Variants in IPPK observed in about 807,000 individuals in gnomAD.
IPPK encodes the protein IPK1 homolog.
Under a neutral mutation model 64.6 loss-of-function variants are expected in IPPK, and 22 were observed. The ratio of observed to expected loss-of-function variants is 0.34; its 90% CI spans 0.24 to 0.49. The LOEUF is 0.49. Among genes scored for constraint, IPPK ranks in the 20% least tolerant of loss-of-function variants. IPPK has a pLI of 0.99. For missense variants in IPPK, 532 were observed against 630.7 expected, an observed-to-expected ratio of 0.84 and a Z score of 1.68; for synonymous variants, 262 against 247.2, an observed-to-expected ratio of 1.06 and a Z score of -0.56.
intron 4 of IPPK, among the ~76,000 whole-genome samples, chr9:92,651,872 C>T (rs1052717712): frequency 6.6e-5 from 10 of 152,052 alleles, no homozygotes; most frequent in African/African-American, 2.4e-4. Context: ...CCCGCCACTA[C>T]GCCCAGCTAA....
rs1183733210 is a variant in IPPK, at chr9:92,634,569, C to T, written c.1068-81G>A. On this transcript the variant is annotated intron_variant, in intron 10 of 12. Coordinates refer to ENST00000287996, the MANE Select transcript of IPPK (RefSeq NM_022755.6). Reference sequence around the variant, plus strand: ...TTAAACTGCTAACAGTCTACAAAGCCCAGCACCACTAAACATCACACATTT... The same window carrying T: ...TTAAACTGCTAACAGTCTACAAAGCTCAGCACCACTAAACATCACACATTT... 25 of 923,326 alleles carry T rather than the reference C, an allele frequency of 2.7e-5. No individual in the cohort carries two copies. The Admixed American group carries it at 3.9e-4, about 15-fold the overall frequency. The allele number at this position is 923,326 out of a possible 1,614,324, so 57.2% of individuals were successfully genotyped here.
At chr9:92,619,970 C>T (rs184592634) in intron 11 of IPPK, 15 of 215,576 alleles carry the variant, frequency 7.0e-5, no homozygotes, top group East Asian at 1.9e-4. Context: ...GCAAGGAGAG[C>T]GCAGGGGGTG....
At chr9:92,654,587 C>T (rs1455882636) in intron 3 of IPPK, among the ~76,000 whole-genome samples, 1 of 152,204 alleles carries the variant, frequency 6.6e-6, no homozygotes, top group Admixed American at 6.5e-5. Flanking sequence ...GTGTGGACCA[C>T]GCCACCATCC....
intron 1 of IPPK, 88 bp from the exon 2 acceptor site, chr9:92,658,769 G>A: frequency 8.4e-7 from 1 of 1,193,608 alleles, no homozygotes; most frequent in Non-Finnish European, 1.2e-6. Flanking sequence ...ATCCTCAGTG[G>A]ACAAAGTCCA....
At chr9:92,659,237 G>A (rs1008916102) in intron 1 of IPPK, among the ~76,000 whole-genome samples, 3 of 152,192 alleles carry the variant, frequency 2.0e-5, no homozygotes, top group African/African-American at 7.2e-5. Flanking sequence ...CCTTGGGCAT[G>A]CATGAATAGT....
At chr9:92,662,931 C>T (rs1309421338) in intron 1 of IPPK, among the ~76,000 whole-genome samples, 1 of 152,186 alleles carries the variant, frequency 6.6e-6, no homozygotes, top group Non-Finnish European at 1.5e-5. Flanking sequence ...GCCTAATTCA[C>T]CCAAGAACCC....
At position 92,615,533 on chromosome 9, in the gene IPPK, G is replaced by C. The variant is rs1851403847; in HGVS notation, c.*299C>G. On this transcript the variant is annotated 3_prime_UTR_variant, in exon 13 of 13. Coordinates refer to ENST00000287996, the MANE Select transcript of IPPK (RefSeq NM_022755.6). ...TAAGGCTTTTCGCATTAGAGAATCA[G>C]ACATGAGCCCTGGTTGGGAAAGAAG... is the stretch of plus-strand genomic sequence containing the variant. 3.0e-6 allele frequency: 1 copy of C among 338,604 alleles called. No homozygotes were observed. Among genetic ancestry groups the C allele is most frequent in the African/African-American group, 2.1e-5 (1 of 46,820 alleles). 21.0% of individuals were successfully genotyped at this position (338,604 alleles called of 1,614,324 possible). A position where few individuals can be genotyped will look rare whatever the true frequency, so the allele number is the denominator to read the frequency against.
intron 1 of IPPK, among the ~76,000 whole-genome samples, chr9:92,666,882 G>A (rs908879244): frequency 6.6e-6 from 1 of 151,612 alleles, no homozygotes; most frequent in African/African-American, 2.4e-5. Context: ...TCCATCCCCA[G>A]GCCTCATTTC....
intron 1 of IPPK, among the ~76,000 whole-genome samples, chr9:92,666,720 C>T (rs1852605482): frequency 6.6e-6 from 1 of 152,208 alleles, no homozygotes; most frequent in Admixed American, 6.5e-5. Context: ...TGAGAATCAT[C>T]CTGGGCCGTC....
intron 1 of IPPK, among the ~76,000 whole-genome samples, chr9:92,669,063 G>A (rs1852666715): frequency 6.6e-6 from 1 of 151,698 alleles, no homozygotes; most frequent in Non-Finnish European, 1.5e-5. Flanking sequence ...CCCACAAAGT[G>A]AATTCTACTA....
rs750370708 is a variant in IPPK at position 92,635,466 on chromosome 9, G to A, written c.917-158C>T. 6.9e-6 allele frequency: 5 copies of A among 723,574 alleles called. No individual in the cohort carries two copies. Among genetic ancestry groups the A allele is most frequent in the East Asian group, 2.8e-5 (1 of 35,256 alleles). The allele number at this position is 723,574 out of a possible 1,614,324, so 44.8% of individuals were successfully genotyped here. ...CCCTGGACTGGCACTAAGGACAGACGAGATGACGCTCCCGCCTCACAGAGC... is the reference window on the plus strand; with the variant it reads ...CCCTGGACTGGCACTAAGGACAGACAAGATGACGCTCCCGCCTCACAGAGC... On this transcript the variant is annotated intron_variant, in intron 9 of 12. Coordinates refer to ENST00000287996, the MANE Select transcript of IPPK (RefSeq NM_022755.6). The surrounding 1 kb of genome is among the most constrained non-coding windows in gnomAD (Gnocchi z 4.4).
chr9:92,670,000 G>T lies in IPPK; in HGVS notation c.-12C>A. The stretch of plus-strand genomic sequence containing the variant: ...TTCCCCTCTTCCATGCCCAGGCGCA[G>T]CCCTGGCGCCTCGCGGGCTAGGACT... On this transcript the variant is annotated 5_prime_UTR_variant, in exon 1 of 13. The change creates a new upstream start codon in the 5' untranslated region. Transcript: ENST00000287996. 2 of 1,602,782 alleles carry T rather than the reference G, an allele frequency of 1.2e-6. No homozygotes were observed. The highest frequency in any genetic ancestry group is 1.7e-6 in the Non-Finnish European group (2 of 1,173,704).
At chr9:92,631,295 A>T (rs1232621736) in intron 11 of IPPK, among the ~76,000 whole-genome samples, 1 of 150,430 alleles carries the variant, frequency 6.6e-6, no homozygotes, top group African/African-American at 2.5e-5. Context: ...TCCCGGGTTC[A>T]AGCGATTCTC....
Position 92,613,231 on chromosome 9 carries a change from C to T in IPPK, c.*2601G>A. The T allele has an allele frequency of 6.4e-7, 1 of 1,567,048 alleles. No homozygotes were observed. Among genetic ancestry groups the T allele is most frequent in the Non-Finnish European group, 8.8e-7 (1 of 1,140,876 alleles). On this transcript the variant is annotated 3_prime_UTR_variant, in exon 13 of 13. Transcript: ENST00000287996. Reference sequence around the variant, plus strand: ...ATTCAATATAAACATTTGCTATTTTCTGCTTAGAAACCACACCCTGAAGAC... The same window carrying T: ...ATTCAATATAAACATTTGCTATTTTTTGCTTAGAAACCACACCCTGAAGAC...
chr9:92,655,768 CAG>C (rs1288941271), intron 3 of IPPK, among the ~76,000 whole-genome samples: 5 of 152,204 alleles, frequency 3.3e-5, no homozygotes, highest in Non-Finnish European at 7.3e-5. Flanking sequence ...ATCTTCCTAA[CAG>C]GGGAACTGTG....
chr9:92,618,866 C>A, intron 12 of IPPK: 1 of 343,538 alleles, frequency 2.9e-6, no homozygotes, highest in Non-Finnish European at 5.7e-6. Context: ...TGGAACATTC[C>A]GCAAATACTG....
In IPPK at chr9:92,638,000, C is replaced by T; in HGVS notation, c.916+1G>A. On this transcript the variant is annotated splice_donor_variant, in intron 9 of 12. Coordinates refer to ENST00000287996, the MANE Select transcript of IPPK (RefSeq NM_022755.6). LOFTEE classifies it high-confidence loss of function. The stretch of plus-strand genomic sequence containing the variant: ...CCTACCTGGGGAAGGCTGGGCCCTA[C>T]CTTGGCAGCGAAGGCTCCTACTGAA... 6.4e-6 allele frequency: 10 copies of T among 1,561,094 alleles called. No individual in the cohort carries two copies. The highest frequency in any genetic ancestry group is 8.7e-6 in the Non-Finnish European group (10 of 1,152,224).
Position 92,667,346 on chromosome 9 carries a change from A to C in IPPK, c.81+2562T>G, listed in dbSNP as rs1257317454. ...CACCCATCTCTTATCCCACTGACAC[A>C]CACCCTCTGCTCGAACTCAACAGGT... On this transcript the variant is annotated intron_variant, in intron 1 of 12. Transcript: ENST00000287996. Among the ~76,000 whole-genome samples, 5 of 152,038 alleles carry C rather than the reference A, an allele frequency of 3.3e-5. No homozygotes were observed. The East Asian group carries it at 9.7e-4, about 29-fold the overall frequency.
chr9:92,623,565 A>G (rs1338279295), intron 11 of IPPK, among the ~76,000 whole-genome samples: 1 of 152,238 alleles, frequency 6.6e-6, no homozygotes, highest in Non-Finnish European at 1.5e-5. Flanking sequence ...AATAAGAAAA[A>G]GACAACTCTA....
Sources: gnomAD v4.1 joint callset for allele counts (sites outside exome capture counted in the v4.1 genomes callset) on GRCh38, gnomAD v4.1.1 for gene constraint, Gnocchi (gnomAD v3.1) non-coding constraint, MANE v1.5 for transcripts, NCBI Gene and HGNC (gene_info 2026-07-23, HGNC 2026-07-21) for gene names.